CNOT10: variants seen among roughly 807,000 people sequenced by gnomAD.
CNOT10 encodes the protein CCR4-NOT transcription complex, subunit 10.
In CNOT10, 30 loss-of-function variants were observed where a neutral mutation model predicts 94.6. The observed-to-expected ratio is 0.32, with a 90% CI of 0.24 to 0.43. CNOT10 has a LOEUF of 0.43. Among genes scored for constraint, CNOT10 ranks in the 20% least tolerant of loss-of-function variants. The pLI is 1.00. For synonymous variants in CNOT10, 289 were observed against 301.6 expected (o/e 0.96, Z 0.43); for missense variants, 759 against 877.2 (o/e 0.87, Z 1.70).
At chr3:32,716,808 C>T (rs1698145827) in intron 6 of CNOT10, among the ~76,000 whole-genome samples, 1 of 152,060 alleles carries the variant, frequency 6.6e-6, no homozygotes, top group Non-Finnish European at 1.5e-5. Context: ...ATCACCACAC[C>T]CGGATAATTT....
At chr3:32,739,592 A>G (rs1413765012) in intron 13 of CNOT10, among the ~76,000 whole-genome samples, 7 of 151,648 alleles carry the variant, frequency 4.6e-5, no homozygotes, top group Non-Finnish European at 8.8e-5. Flanking sequence ...TAATACAGAT[A>G]CCTGGGCAAC....
At chr3:32,714,425 A>G (rs973660155) in intron 5 of CNOT10, among the ~76,000 whole-genome samples, 3 of 151,700 alleles carry the variant, frequency 2.0e-5, no homozygotes, top group Non-Finnish European at 2.9e-5. Flanking sequence ...AAAAAAATAC[A>G]TGGCTGGGCG....
At position 32,704,885 on chromosome 3, in the gene CNOT10, T is replaced by C; in HGVS notation, c.192T>C (p.Ile64=). 6.3e-7 allele frequency: 1 copy of C among 1,577,180 alleles called. No homozygotes were observed. The highest frequency in any genetic ancestry group is 2.0e-5 in the Admixed American group (1 of 48,842). Residue 64 remains isoleucine (I), a synonymous_variant, in exon 3 of 19, where the codon ATT becomes ATC. Coordinates refer to ENST00000328834, the MANE Select transcript of CNOT10 (RefSeq NM_015442.3). ...TAAACAAAGATGATTATAAAATAAT[T>C]TTGAATACAGCAGTAGCTGAGTTTT... ...QDINKDDYKI[I]LNTAVAEFFK...
intron 13 of CNOT10, among the ~76,000 whole-genome samples, chr3:32,754,267 G>A (rs1021662391): frequency 3.3e-5 from 5 of 151,146 alleles, no homozygotes; most frequent in African/African-American, 1.2e-4. Flanking sequence ...CATGAGGTCA[G>A]GAGATCGAGG....
chr3:32,743,397 A>C (rs964371217), intron 13 of CNOT10, among the ~76,000 whole-genome samples: 2 of 152,064 alleles, frequency 1.3e-5, no homozygotes, highest in Admixed American at 6.5e-5. Context: ...TGGGAGGCCA[A>C]GGCAGGCAAA....
chr3:32,700,104 T>C (rs1697266599), intron 1 of CNOT10, among the ~76,000 whole-genome samples: 1 of 151,756 alleles, frequency 6.6e-6, no homozygotes. Context: ...GCCTCCCAAG[T>C]AGCTGAGACT....
intron 13 of CNOT10, among the ~76,000 whole-genome samples, chr3:32,743,463 CT>C (rs935867289): frequency 1.3e-5 from 2 of 151,964 alleles, no homozygotes; most frequent in Non-Finnish European, 2.9e-5. Flanking sequence ...AAACCTGTCT[CT>C]ACTAAAAATA....
chr3:32,699,692 C>G (rs904137627), intron 1 of CNOT10, among the ~76,000 whole-genome samples: 3 of 152,136 alleles, frequency 2.0e-5, no homozygotes, highest in Non-Finnish European at 1.5e-5. Flanking sequence ...ACAGATGCAA[C>G]TCTAGGGCAC....
intron 14 of CNOT10, among the ~76,000 whole-genome samples, chr3:32,761,989 C>G (rs1224070186): frequency 6.6e-6 from 1 of 150,962 alleles, no homozygotes; most frequent in East Asian, 2.0e-4. Context: ...TCAGGCTGGT[C>G]TCGAACTCCC....
At chr3:32,730,060 G>T (rs1024292205) in intron 10 of CNOT10, among the ~76,000 whole-genome samples, 2 of 151,962 alleles carry the variant, frequency 1.3e-5, no homozygotes, top group Admixed American at 6.6e-5. Flanking sequence ...GAGCCACCGC[G>T]CCCGGCCCAG....
At chr3:32,762,040 G>A (rs1402309269) in intron 14 of CNOT10, among the ~76,000 whole-genome samples, 3 of 151,234 alleles carry the variant, frequency 2.0e-5, no homozygotes, top group African/African-American at 7.3e-5. Context: ...CAAAGTGCTG[G>A]GATTACAGGC....
chr3:32,711,277 G>A (rs116011832), intron 4 of CNOT10, among the ~76,000 whole-genome samples: 1,922 of 152,058 alleles, frequency 0.013, 48 homozygotes, highest in African/African-American at 0.044. Flanking sequence ...ATATAAAATG[G>A]TGTAGTATTT....
intron 14 of CNOT10, among the ~76,000 whole-genome samples, chr3:32,760,568 G>T (rs1363137086): frequency 2.6e-5 from 4 of 152,120 alleles, no homozygotes; most frequent in Non-Finnish European, 5.9e-5. Flanking sequence ...GGGGGCGGAC[G>T]TTGCGGTGAG....
chr3:32,715,159 C>T (rs1381364867), intron 5 of CNOT10, among the ~76,000 whole-genome samples: 1 of 152,156 alleles, frequency 6.6e-6, no homozygotes, highest in Non-Finnish European at 1.5e-5. Flanking sequence ...AAAACAAAAA[C>T]GTTGCAGTCC....
intron 1 of CNOT10, among the ~76,000 whole-genome samples, chr3:32,697,768 C>T (rs999359490): frequency 2.6e-5 from 4 of 152,210 alleles, no homozygotes; most frequent in Admixed American, 2.6e-4. Context: ...AGCCACTGCC[C>T]AGCCAAGGGG....
chr3:32,741,336 TATTCC>T (rs59766152), intron 13 of CNOT10, among the ~76,000 whole-genome samples: 152,192 of 152,192 alleles, frequency 1, 76,096 homozygotes, highest in Non-Finnish European at 1. Context: ...CATCTAGCTT[TATTCC>T]ATTCCAGTTT....
chr3:32,722,456 T>C (rs1040003853), intron 8 of CNOT10, among the ~76,000 whole-genome samples: 3 of 152,228 alleles, frequency 2.0e-5, no homozygotes, highest in African/African-American at 4.8e-5. Flanking sequence ...AAAGATAATA[T>C]ACTTTGAGAA....
chr3:32,695,537 T>G (rs1299911972), intron 1 of CNOT10: 1 of 1,513,710 alleles, frequency 6.6e-7, no homozygotes, highest in Non-Finnish European at 8.8e-7. Flanking sequence ...GTGTCTGTGC[T>G]TTCAGTTAAC....
At chr3:32,761,518 G>T (rs371431849) in intron 14 of CNOT10, among the ~76,000 whole-genome samples, 1 of 150,148 alleles carries the variant, frequency 6.7e-6, no homozygotes, top group African/African-American at 2.4e-5. Flanking sequence ...TCAGCCTCCC[G>T]AGTAGCTGGG....
Sources: gnomAD v4.1 joint callset for allele counts (sites outside exome capture counted in the v4.1 genomes callset) on GRCh38, gnomAD v4.1.1 for gene constraint, MANE v1.5 for transcripts, NCBI Gene and HGNC (gene_info 2026-07-23, HGNC 2026-07-21) for gene names.